The following NCEH1 variants were observed in gnomAD, a reference collection of about 807,000 sequenced individuals.
The protein encoded by NCEH1 is neutral cholesterol ester hydrolase 1.
Under a neutral mutation model 25.4 loss-of-function variants are expected in NCEH1, and 9 were observed. That is an observed-to-expected ratio of 0.35 (90% CI 0.21 to 0.62). The LOEUF (loss-of-function observed/expected upper bound fraction) is 0.62. Ranked by LOEUF, NCEH1 falls within the 20% of genes least tolerant of loss-of-function variation. The pLI, the probability that NCEH1 is intolerant of heterozygous loss-of-function variation, is 0.72. For synonymous variants in NCEH1, 200 were observed against 199.8 expected (o/e 1.00, Z -0.01); for missense variants, 412 against 501.1 (o/e 0.82, Z 1.70).
At chr3:172,658,896 T>A (rs1717835220) in intron 1 of NCEH1, among the ~76,000 whole-genome samples, 1 of 142,932 alleles carries the variant, frequency 7.0e-6, no homozygotes, top group Non-Finnish European at 1.5e-5. Flanking sequence ...ACAAGTAGTT[T>A]CCATATTGCC....
intron 3 of NCEH1, among the ~76,000 whole-genome samples, chr3:172,642,741 T>C (rs1191223298): frequency 1.3e-5 from 2 of 152,186 alleles, no homozygotes; most frequent in African/African-American, 4.8e-5. Flanking sequence ...GCTAGTGCTT[T>C]TGAATATCTG....
rs768288361 is a variant in NCEH1 at position 172,706,499 on chromosome 3, CTTTTT to C, written c.138+4343_138+4347del. On this transcript the variant is annotated intron_variant, in intron 1 of 4. Coordinates refer to ENST00000475381, the MANE Select transcript of NCEH1 (RefSeq NM_020792.6). Reference sequence around the variant, plus strand: ...AATCTTTTACTGTTCTTACATTTTTCTTTTTTTTTTTTTTTTTTTGAGACGAAGTC... The same window carrying C: ...AATCTTTTACTGTTCTTACATTTTTCTTTTTTTTTTTTTTGAGACGAAGTC... Among the ~76,000 whole-genome samples the C allele has an allele frequency of 4.0e-5, 5 of 126,456 alleles. No homozygotes were observed. In the South Asian group the frequency reaches 1.4e-3, roughly 34 times the overall value. The allele number at this position is 126,456 out of a possible 152,430, so 83.0% of individuals were successfully genotyped here.
chr3:172,669,365 A>G (rs1718378675), intron 1 of NCEH1, among the ~76,000 whole-genome samples: 1 of 152,186 alleles, frequency 6.6e-6, no homozygotes, highest in African/African-American at 2.4e-5. Context: ...GTATTTGCCT[A>G]TTTCATGTTA....
At position 172,633,397 on chromosome 3, in the gene NCEH1, C is replaced by T; in HGVS notation, c.*78G>A. 1 of 1,352,270 alleles carries T rather than the reference C, an allele frequency of 7.4e-7. No homozygotes were observed. The highest frequency in any genetic ancestry group is 1.4e-5 in the South Asian group (1 of 71,958). The allele number at this position is 1,352,270 out of a possible 1,614,324, so 83.8% of individuals were successfully genotyped here. The stretch of plus-strand genomic sequence containing the variant: ...GAGGGGAATGGGAGGAAGAATTAGT[C>T]AACTAAAAAGTGCATGTCTTTCCAA... On this transcript the variant is annotated 3_prime_UTR_variant, in exon 5 of 5. Coordinates refer to ENST00000475381, the MANE Select transcript of NCEH1 (RefSeq NM_020792.6).
intron 1 of NCEH1, among the ~76,000 whole-genome samples, chr3:172,655,480 C>G (rs1024477143): frequency 6.6e-6 from 1 of 152,310 alleles, no homozygotes; most frequent in African/African-American, 2.4e-5. Flanking sequence ...TAGCCTCCTG[C>G]TTCCCCTTTG....
chr3:172,640,656 C>T (rs1480705710), intron 3 of NCEH1, among the ~76,000 whole-genome samples: 22 of 152,202 alleles, frequency 1.4e-4, no homozygotes, highest in East Asian at 1.9e-4. Context: ...TACAGGCGCC[C>T]GCCACCGCAC....
rs748113705 is a variant in NCEH1 at position 172,710,864 on chromosome 3, G to A, written c.121C>T (p.Arg41Trp). The A allele has an allele frequency of 1.2e-6, 2 of 1,614,068 alleles. No individual in the cohort carries two copies. Among genetic ancestry groups the A allele is most frequent in the African/African-American group, 1.3e-5 (1 of 75,070 alleles). ...WKLMLLDATF[R>W]GAQQVSNLIH... ...CACCTCACCACTTGCTGTGCACCCC[G>A]GAAAGTGGCGTCCAGCAGCATCAGC... Residue 41 changes from arginine (R) to tryptophan (W), a missense_variant, in exon 1 of 5, where the codon CGG becomes TGG. Physicochemically the swap from Arg to Trp is moderately radical, Grantham distance 101 (BLOSUM62 -3). Around this residue, in one of 3 missense-constraint regions of NCEH1, gnomAD observed 178 missense variants for 189.2 expected, o/e 0.94. Coordinates refer to ENST00000475381, the MANE Select transcript of NCEH1 (RefSeq NM_020792.6).
At chr3:172,671,146 T>C (rs1246926668) in intron 1 of NCEH1, among the ~76,000 whole-genome samples, 2 of 152,212 alleles carry the variant, frequency 1.3e-5, no homozygotes, top group Non-Finnish European at 2.9e-5. Context: ...AGCTTCTCAA[T>C]TTCACACTTG....
At chr3:172,644,238 GGGGTGACTCTAGGGCTTTT>G (rs1358837804) in intron 3 of NCEH1, among the ~76,000 whole-genome samples, 2 of 67,472 alleles carry the variant, frequency 3.0e-5, no homozygotes, top group East Asian at 5.9e-4. Flanking sequence ...CTAGGGCTTT[GGGGTGACTCTAGGGCTTTT>G]GGGTGACTCT....
chr3:172,671,984 T>A (rs1243433396), intron 1 of NCEH1, among the ~76,000 whole-genome samples: 1 of 152,212 alleles, frequency 6.6e-6, no homozygotes, highest in South Asian at 2.1e-4. Flanking sequence ...CAGTAATGCA[T>A]AGTAATGTCC....
chr3:172,636,156 G>A lies in NCEH1; in HGVS notation c.438-69C>T, dbSNP rs1716590101. The A allele has an allele frequency of 8.9e-6, 9 of 1,015,590 alleles. No individual in the cohort carries two copies. In the South Asian group the frequency reaches 1.7e-4, roughly 19 times the overall value. 62.9% of individuals were successfully genotyped at this position (1,015,590 alleles called of 1,614,324 possible). On this transcript the variant is annotated intron_variant, in intron 3 of 4. Transcript: ENST00000475381. ...TTGGGGGACATTTAAAGTTTAGATG[G>A]AAACTGGTTCTTTTAAATCTGGAAA...
At chr3:172,642,603 CAAAAAAAAAAAA>C (rs66551744) in intron 3 of NCEH1, among the ~76,000 whole-genome samples, 1 of 83,904 alleles carries the variant, frequency 1.2e-5, no homozygotes, top group Non-Finnish European at 2.3e-5. Context: ...GCTATTTCTA[CAAAAAAAAAAAA>C]AAAAAAAAAG....
Position 172,647,944 on chromosome 3 carries a change from C to T in NCEH1, c.309G>A (p.Glu103=). ...RVFEGPPKPE[E]PLKRSVVYIH... is the part of the protein sequence containing the mutation. The stretch of plus-strand genomic sequence containing the variant: ...TATAAACGACGCTGCGTTTCAGTGG[C>T]TCTTCGGGCTTCGGAGGGCCTTCAA... Residue 103 remains glutamate (E), a synonymous_variant, in exon 2 of 5, where the codon GAG becomes GAA. Coordinates refer to ENST00000475381, the MANE Select transcript of NCEH1 (RefSeq NM_020792.6). The T allele has an allele frequency of 6.2e-7, 1 of 1,614,216 alleles. No individual in the cohort carries two copies. The highest frequency in any genetic ancestry group is 8.5e-7 in the Non-Finnish European group (1 of 1,180,032).
intron 1 of NCEH1, among the ~76,000 whole-genome samples, chr3:172,686,703 G>A (rs1712716577): frequency 6.6e-6 from 1 of 152,154 alleles, no homozygotes; most frequent in African/African-American, 2.4e-5. Context: ...AAAAGTGGCG[G>A]GTGATCCTGG....
intron 1 of NCEH1, among the ~76,000 whole-genome samples, chr3:172,696,987 G>A (rs943702110): frequency 2.0e-5 from 3 of 152,028 alleles, no homozygotes; most frequent in African/African-American, 4.8e-5. Context: ...GTACAATGGC[G>A]TGATCTTGGC....
chr3:172,637,133 CTG>C (rs763470535), intron 3 of NCEH1, among the ~76,000 whole-genome samples: 5 of 152,136 alleles, frequency 3.3e-5, no homozygotes, highest in Non-Finnish European at 7.4e-5. Flanking sequence ...ATATCAGGAA[CTG>C]TGTTTTATTC....
At chr3:172,641,414 A>T (rs34333030) in intron 3 of NCEH1, among the ~76,000 whole-genome samples, 512 of 152,282 alleles carry the variant, frequency 3.4e-3, no homozygotes, top group Non-Finnish European at 5.3e-3. Context: ...AGTGACATGA[A>T]TCATGGAGTC....
intron 1 of NCEH1, among the ~76,000 whole-genome samples, chr3:172,651,010 G>T (rs1717380714): frequency 6.6e-6 from 1 of 152,076 alleles, no homozygotes; most frequent in Non-Finnish European, 1.5e-5. Flanking sequence ...CTTGAAAATT[G>T]ATATGAACAG....
chr3:172,643,939 T>C (rs1160363214), intron 3 of NCEH1, among the ~76,000 whole-genome samples: 1 of 152,162 alleles, frequency 6.6e-6, no homozygotes. Context: ...ACTGCCCAAA[T>C]CATTTCCTTG....
Sources: gnomAD v4.1 joint callset for allele counts (sites outside exome capture counted in the v4.1 genomes callset) on GRCh38, gnomAD v4.1.1 for gene constraint, gnomAD v4.1.1 regional missense constraint, MANE v1.5 for transcripts, NCBI Gene and HGNC (gene_info 2026-07-23, HGNC 2026-07-21) for gene names.